Variants in SLC9C1 observed in about 807,000 individuals in gnomAD.
The protein encoded by SLC9C1 is sodium/hydrogen exchanger 10.
A neutral mutation model predicts 140.9 loss-of-function variants in SLC9C1; 97 were observed. The observed-to-expected ratio is 0.69, with a 90% CI of 0.58 to 0.82. The LOEUF (loss-of-function observed/expected upper bound fraction) is 0.82. SLC9C1 is among the 40% of genes least tolerant of loss of function. The pLI, the probability that SLC9C1 is intolerant of heterozygous loss-of-function variation, is 0.00. For missense variants in SLC9C1, 1,340 were observed against 1,389.3 expected (o/e 0.96, Z 0.56); for synonymous variants, 440 against 442.6 (o/e 0.99, Z 0.07).
chr3:112,161,624 A>G (rs371372726), intron 26 of SLC9C1, among the ~76,000 whole-genome samples: 2 of 151,768 alleles, frequency 1.3e-5, no homozygotes, highest in Non-Finnish European at 2.9e-5. Flanking sequence ...TGTTCCATTG[A>G]TCTATATCTC....
chr3:112,271,659 T>C (rs112971605), intron 6 of SLC9C1, among the ~76,000 whole-genome samples: 3 of 152,214 alleles, frequency 2.0e-5, no homozygotes, highest in East Asian at 1.9e-4. Flanking sequence ...AAACATGTAA[T>C]AGATTTTAGA....
chr3:112,199,548 T>C, intron 19 of SLC9C1, 79 bp from the exon 20 acceptor site: 1 of 1,224,702 alleles, frequency 8.2e-7, no homozygotes, highest in South Asian at 1.9e-5. Flanking sequence ...GCTAAGTTTC[T>C]GTTCTAAACC....
At chr3:112,177,934 A>C (rs930043764) in intron 23 of SLC9C1, among the ~76,000 whole-genome samples, 1 of 151,448 alleles carries the variant, frequency 6.6e-6, no homozygotes, top group Non-Finnish European at 1.5e-5. Flanking sequence ...AGATATTTTA[A>C]ATATATAACA....
intron 12 of SLC9C1, among the ~76,000 whole-genome samples, chr3:112,235,865 G>T (rs972885052): frequency 1.3e-5 from 2 of 152,138 alleles, no homozygotes; most frequent in African/African-American, 4.8e-5. Context: ...ACTGGATTTG[G>T]TTTGCCAGTA....
In SLC9C1 at chr3:112,168,922, T is replaced by C; in HGVS notation, c.3192A>G (p.Arg1064=). The C allele has an allele frequency of 6.2e-7, 1 of 1,602,342 alleles. No homozygotes were observed. Among genetic ancestry groups the C allele is most frequent in the Non-Finnish European group, 8.5e-7 (1 of 1,176,892 alleles). ...IHGAVEDCLL[R]KTYRAPFLIP... is the part of the protein sequence containing the mutation. ...TTAAGAAAGGTGCTCTATAAGTTTTTCGTAACAGACAATCTTCTACAGCTC... is the reference window on the plus strand; with the variant it reads ...TTAAGAAAGGTGCTCTATAAGTTTTCCGTAACAGACAATCTTCTACAGCTC... Residue 1064 remains arginine (R), a synonymous_variant, in exon 25 of 29, where the codon CGA becomes CGG. Coordinates refer to ENST00000305815, the MANE Select transcript of SLC9C1 (RefSeq NM_183061.3).
At chr3:112,172,036 T>C (rs1240428564) in intron 23 of SLC9C1, among the ~76,000 whole-genome samples, 1 of 152,194 alleles carries the variant, frequency 6.6e-6, no homozygotes, top group African/African-American at 2.4e-5. Flanking sequence ...TCAGGTAGTG[T>C]AAATCATCTA....
At chr3:112,226,657 G>A (rs1357011047) in intron 13 of SLC9C1, among the ~76,000 whole-genome samples, 6 of 152,078 alleles carry the variant, frequency 3.9e-5, no homozygotes, top group Admixed American at 2.6e-4. Context: ...AGGAGGTAGA[G>A]TTTGCAGTGA....
intron 23 of SLC9C1, among the ~76,000 whole-genome samples, chr3:112,176,766 G>A (rs972162301): frequency 2.6e-5 from 4 of 152,118 alleles, no homozygotes; most frequent in South Asian, 4.1e-4. Context: ...GAAAACCTCA[G>A]GTATCTAAGA....
At chr3:112,260,751 C>T (rs1440237398) in intron 10 of SLC9C1, among the ~76,000 whole-genome samples, 1 of 152,100 alleles carries the variant, frequency 6.6e-6, no homozygotes, top group Non-Finnish European at 1.5e-5. Flanking sequence ...GAGGTTTATA[C>T]ACCATGGCTA....
chr3:112,237,141 A>G (rs896847096), intron 12 of SLC9C1, among the ~76,000 whole-genome samples: 3 of 152,120 alleles, frequency 2.0e-5, no homozygotes, highest in Non-Finnish European at 4.4e-5. Context: ...TTATGAATCT[A>G]GGTGCTCCTG....
chr3:112,192,950 G>C (rs958635818), intron 20 of SLC9C1, among the ~76,000 whole-genome samples: 5 of 152,082 alleles, frequency 3.3e-5, no homozygotes, highest in African/African-American at 1.2e-4. Context: ...TGGAACAATT[G>C]CCTCTTTGAA....
At chr3:112,184,794 C>T (rs938684906) in intron 20 of SLC9C1, among the ~76,000 whole-genome samples, 3 of 152,176 alleles carry the variant, frequency 2.0e-5, no homozygotes, top group Admixed American at 2.0e-4. Flanking sequence ...GCCACTGACT[C>T]AAAGCTCAGG....
intron 17 of SLC9C1, 133 bp from the exon 18 acceptor site, chr3:112,202,532 T>C (rs1560059400): frequency 2.4e-6 from 2 of 826,600 alleles, no homozygotes; most frequent in Admixed American, 3.0e-5. Context: ...CCTGTCAAGG[T>C]TCTTTGTTAT....
intron 28 of SLC9C1, among the ~76,000 whole-genome samples, chr3:112,147,807 A>G (rs1008426713): frequency 3.0e-4 from 45 of 152,172 alleles, no homozygotes; most frequent in African/African-American, 1.1e-3. Flanking sequence ...CTGGATGTCT[A>G]CATCTCTAGC....
At chr3:112,152,789 A>G (rs1262856431) in intron 27 of SLC9C1, among the ~76,000 whole-genome samples, 1 of 152,170 alleles carries the variant, frequency 6.6e-6, no homozygotes, top group East Asian at 1.9e-4. Flanking sequence ...CACATTTTTA[A>G]CAAAGCACAT....
intron 20 of SLC9C1, among the ~76,000 whole-genome samples, chr3:112,196,891 T>A (rs2077780193): frequency 6.6e-6 from 1 of 152,106 alleles, no homozygotes; most frequent in Non-Finnish European, 1.5e-5. Flanking sequence ...TAGGGACAGT[T>A]CTGTTGTTTT....
chr3:112,289,075 G>A (rs773000551), intron 1 of SLC9C1, among the ~76,000 whole-genome samples: 16 of 152,024 alleles, frequency 1.1e-4, no homozygotes, highest in East Asian at 1.9e-4. Context: ...ACTGTGATCC[G>A]CTCAATTCAG....
intron 28 of SLC9C1, among the ~76,000 whole-genome samples, chr3:112,142,321 C>T (rs1406287286): frequency 2.0e-5 from 3 of 152,122 alleles, no homozygotes; most frequent in Admixed American, 2.0e-4. Flanking sequence ...TTACTATTTT[C>T]TCCATTGTTA....
At chr3:112,258,043 A>T (rs1456937991) in intron 10 of SLC9C1, among the ~76,000 whole-genome samples, 1 of 152,202 alleles carries the variant, frequency 6.6e-6, no homozygotes, top group Admixed American at 6.5e-5. Flanking sequence ...TCAAAAAATA[A>T]CAAATGCTGG....
Sources: allele counts gnomAD v4.1 joint callset (sites outside exome capture counted in the v4.1 genomes callset), GRCh38; gene constraint gnomAD v4.1.1; transcripts MANE v1.5; gene names NCBI Gene and HGNC (gene_info 2026-07-23, HGNC 2026-07-21).